CPQ: variants seen among roughly 807,000 people sequenced by gnomAD.
The protein encoded by CPQ is Ser-Met dipeptidase.
In CPQ, 37 loss-of-function variants were observed where a neutral mutation model predicts 45.7. The ratio of observed to expected loss-of-function variants is 0.81; its 90% CI spans 0.62 to 1.07. The LOEUF is 1.07. CPQ is among the 50% of genes least tolerant of loss of function. The pLI is 0.00. For missense variants in CPQ, 537 were observed against 572.9 expected, an observed-to-expected ratio of 0.94 and a Z score of 0.64; for synonymous variants, 186 against 205.8, an observed-to-expected ratio of 0.90 and a Z score of 0.82.
At chr8:96,647,636 T>A (rs1838023322) in intron 1 of CPQ, among the ~76,000 whole-genome samples, 1 of 152,204 alleles carries the variant, frequency 6.6e-6, no homozygotes, top group Admixed American at 6.5e-5. Context: ...CTGTGTGTGT[T>A]CAAGCATATA....
chr8:96,816,857 C>T (rs1318767404), intron 2 of CPQ, among the ~76,000 whole-genome samples: 1 of 152,056 alleles, frequency 6.6e-6, no homozygotes, highest in Non-Finnish European at 1.5e-5. Context: ...AAAATATTTA[C>T]TAAACCATAC....
intron 1 of CPQ, among the ~76,000 whole-genome samples, chr8:96,777,741 TATATATATATATATATATA>T (rs1228331530): frequency 1.3e-3 from 14 of 11,014 alleles, no homozygotes; most frequent in African/African-American, 4.3e-3. Context: ...TATATATATA[TATATATATATATATATATA>T]TTTTTTTTTT....
chr8:96,735,047 A>T (rs1480763455), intron 1 of CPQ, among the ~76,000 whole-genome samples: 1 of 151,906 alleles, frequency 6.6e-6, no homozygotes, highest in Non-Finnish European at 1.5e-5. Flanking sequence ...CTTTTTCAGG[A>T]ACACCTTCTC....
chr8:97,002,359 G>C (rs1380322744), intron 5 of CPQ, among the ~76,000 whole-genome samples: 2 of 152,080 alleles, frequency 1.3e-5, no homozygotes, highest in African/African-American at 4.8e-5. Flanking sequence ...ATGTTAGGTT[G>C]TTAACTTGAG....
intron 4 of CPQ, among the ~76,000 whole-genome samples, chr8:96,922,813 A>T (rs1383683023): frequency 2.6e-5 from 4 of 152,192 alleles, no homozygotes; most frequent in Admixed American, 2.6e-4. Flanking sequence ...GAATACATAC[A>T]CAGGTTATAA....
At chr8:96,939,692 C>T (rs751092335) in intron 4 of CPQ, among the ~76,000 whole-genome samples, 2 of 151,976 alleles carry the variant, frequency 1.3e-5, no homozygotes, top group East Asian at 1.9e-4. Context: ...GTGAATATGC[C>T]GCAATTCACC....
intron 5 of CPQ, among the ~76,000 whole-genome samples, chr8:97,024,155 T>G (rs1809756535): frequency 6.6e-6 from 1 of 152,140 alleles, no homozygotes. Context: ...GATTCCGCCC[T>G]TCTTTAGGAT....
At chr8:97,025,578 C>G (rs572161044) in intron 5 of CPQ, among the ~76,000 whole-genome samples, 7 of 152,306 alleles carry the variant, frequency 4.6e-5, no homozygotes, top group Non-Finnish European at 1.0e-4. Flanking sequence ...CCCTCATGTG[C>G]TTGCCTTGGA....
intron 4 of CPQ, among the ~76,000 whole-genome samples, chr8:96,935,026 A>G (rs748607146): frequency 1.3e-5 from 2 of 152,218 alleles, no homozygotes; most frequent in Non-Finnish European, 2.9e-5. Context: ...TCAAACACCT[A>G]GAGAAACTTG....
rs759883296 is a variant in CPQ at position 97,066,136 on chromosome 8, C to T, written c.1181C>T (p.Pro394Leu). Reference protein sequence around the residue: ...IMEEVMSLLQPLNITQVLSHG... With the variant: ...IMEEVMSLLQLLNITQVLSHG... Reference sequence around the variant, plus strand: ...GAGGAGGTTATGAGCCTGCTGCAGCCCCTCAATATCACTCAGGTCCTGAGC... The same window carrying T: ...GAGGAGGTTATGAGCCTGCTGCAGCTCCTCAATATCACTCAGGTCCTGAGC... Residue 394 changes from proline to leucine, a missense_variant, in exon 7 of 8, where the codon CCC becomes CTC. Coordinates refer to ENST00000220763, the MANE Select transcript of CPQ (RefSeq NM_016134.4). 3 of 1,611,666 alleles carry T rather than the reference C, an allele frequency of 1.9e-6. No homozygotes were observed. Among genetic ancestry groups the T allele is most frequent in the Non-Finnish European group, 2.5e-6 (3 of 1,179,252 alleles).
chr8:96,875,780 T>G (rs1197049733), intron 3 of CPQ, among the ~76,000 whole-genome samples: 1 of 151,988 alleles, frequency 6.6e-6, no homozygotes, highest in African/African-American at 2.4e-5. Context: ...TTTGTTTATT[T>G]TGAATGATTT....
chr8:96,670,327 T>A (rs12675788), intron 1 of CPQ, among the ~76,000 whole-genome samples: 105,134 of 149,778 alleles, frequency 0.7, 37,296 homozygotes, highest in Middle Eastern at 0.82. Flanking sequence ...TTTTTTTTTT[T>A]TTTTTTTTTT....
At chr8:96,706,261 A>T (rs924337401) in intron 1 of CPQ, among the ~76,000 whole-genome samples, 1 of 152,162 alleles carries the variant, frequency 6.6e-6, no homozygotes, top group Non-Finnish European at 1.5e-5. Flanking sequence ...GTTTTGAACC[A>T]ATGACTCTAT....
chr8:97,123,208 AAATAAAATAAAAT>A (rs1563587406), intron 7 of CPQ, among the ~76,000 whole-genome samples: 1 of 110,812 alleles, frequency 9.0e-6, no homozygotes, highest in African/African-American at 3.9e-5. Context: ...ATAAAATAAA[AAATAAAATAAAAT>A]AAAATAAAAT....
At chr8:96,849,350 T>A (rs2130858920) in intron 3 of CPQ, among the ~76,000 whole-genome samples, 1 of 152,316 alleles carries the variant, frequency 6.6e-6, no homozygotes, top group Non-Finnish European at 1.5e-5. Context: ...AGTGACTGGC[T>A]TCTGGATCTC....
At chr8:97,087,339 A>C (rs1266529857) in intron 7 of CPQ, among the ~76,000 whole-genome samples, 1 of 152,150 alleles carries the variant, frequency 6.6e-6, no homozygotes, top group Non-Finnish European at 1.5e-5. Context: ...AGGGGAATCA[A>C]TACAGCCTGT....
intron 2 of CPQ, among the ~76,000 whole-genome samples, chr8:96,788,061 CT>C (rs1208474169): frequency 1.3e-5 from 2 of 148,602 alleles, no homozygotes; most frequent in African/African-American, 2.5e-5. Context: ...TTTTTCTTTT[CT>C]TTTTTTCTTT....
At chr8:96,689,212 C>G (rs746640573) in intron 1 of CPQ, among the ~76,000 whole-genome samples, 17 of 152,282 alleles carry the variant, frequency 1.1e-4, no homozygotes, top group Non-Finnish European at 2.4e-4. Flanking sequence ...TGGGGAGAAC[C>G]TCCTAGTTCT....
chr8:96,798,988 A>G (rs188443338), intron 2 of CPQ, among the ~76,000 whole-genome samples: 180 of 152,266 alleles, frequency 1.2e-3, no homozygotes, highest in African/African-American at 4.1e-3. Flanking sequence ...AAAGGTCACA[A>G]ATTTAAAAAG....
Sources: allele counts gnomAD v4.1 joint callset (sites outside exome capture counted in the v4.1 genomes callset), GRCh38; gene constraint gnomAD v4.1.1; transcripts MANE v1.5; gene names NCBI Gene and HGNC (gene_info 2026-07-23, HGNC 2026-07-21).